MYBPC2: variants seen among roughly 807,000 people sequenced by gnomAD.
MYBPC2 encodes the protein myosin-binding protein C, fast-type.
Under a neutral mutation model 137.0 loss-of-function variants are expected in MYBPC2, and 122 were observed. The ratio of observed to expected loss-of-function variants is 0.89; its 90% CI spans 0.77 to 1.03. The LOEUF is 1.03. Among genes scored for constraint, MYBPC2 ranks in the 50% least tolerant of loss-of-function variants. The pLI is 0.00. For synonymous variants in MYBPC2, 626 were observed against 612.3 expected (o/e 1.02, Z -0.33); for missense variants, 1,500 against 1,534.4 (o/e 0.98, Z 0.37).
rs1189548092 is a variant in MYBPC2 at position 50,460,199 on chromosome 19, G to A, written c.2931+20G>A. On this transcript the variant is annotated intron_variant, in intron 24 of 27. Transcript: ENST00000357701. The stretch of plus-strand genomic sequence containing the variant: ...ACCATGGTGAGAGAGCAGAGGGGGA[G>A]ATGGGGAAGAGCCGGTGAGGTGGGC... 1.3e-6 allele frequency: 2 copies of A among 1,592,036 alleles called. No homozygotes were observed. The highest frequency in any genetic ancestry group is 3.5e-5 in the Admixed American group (2 of 57,502).
Position 50,450,832 on chromosome 19 carries a change from C to T in MYBPC2, c.1476C>T (p.Phe492=), listed in dbSNP as rs1276165504. The change falls in exon 14 of 28, where the codon TTC becomes TTT. Residue 492 remains phenylalanine, a synonymous_variant. Transcript: ENST00000357701. Reference sequence around the variant, plus strand: ...ACCCTGCTCCCCCACCCCTTAGGTTCCACAAGCTGGTGATCGATGACGTCC... The same window carrying T: ...ACCCTGCTCCCCCACCCCTTAGGTTTCACAAGCTGGTGATCGATGACGTCC... ...KRITISHVGR[F]HKLVIDDVRP... 1 of 1,565,018 alleles carries T rather than the reference C, an allele frequency of 6.4e-7. No individual in the cohort carries two copies. Among genetic ancestry groups the T allele is most frequent in the African/African-American group, 1.4e-5 (1 of 73,710 alleles).
chr19:50,441,787 C>T lies in MYBPC2; in HGVS notation c.770-394C>T, dbSNP rs545791883. Reference sequence around the variant, plus strand: ...CCAGGGAGGCAGAGGTTGTGGTGAGCTGAGATTACGCTGTGGCACTCCAGC... The same window carrying T: ...CCAGGGAGGCAGAGGTTGTGGTGAGTTGAGATTACGCTGTGGCACTCCAGC... On this transcript the variant is annotated intron_variant, in intron 8 of 27. Coordinates refer to ENST00000357701, the MANE Select transcript of MYBPC2 (RefSeq NM_004533.4). Among the ~76,000 whole-genome samples the T allele has an allele frequency of 2.0e-5, 3 of 151,810 alleles. No homozygotes were observed. The South Asian group carries it at 6.3e-4, about 32-fold the overall frequency.
intron 8 of MYBPC2, among the ~76,000 whole-genome samples, chr19:50,441,497 C>A (rs1438761007): frequency 6.6e-6 from 1 of 152,172 alleles, no homozygotes; most frequent in Admixed American, 6.5e-5. Flanking sequence ...TCTGGGGTAG[C>A]CCTGTTCCGC....
intron 8 of MYBPC2, among the ~76,000 whole-genome samples, 165 bp downstream of exon 8, chr19:50,441,241 T>C (rs2039752430): frequency 6.6e-6 from 1 of 152,104 alleles, no homozygotes; most frequent in Non-Finnish European, 1.5e-5. Flanking sequence ...AATTGAGGAC[T>C]AGCTAAAACA....
At position 50,437,734 on chromosome 19, in the gene MYBPC2, G is replaced by A; in HGVS notation, c.572+16G>A. ...TGAAGAAGAGGTGAGCCCCGGACTT[G>A]GCACAGAGAGGGGAGATGGGACTCA... is the stretch of plus-strand genomic sequence containing the variant. On this transcript the variant is annotated intron_variant, in intron 7 of 27. Transcript: ENST00000357701. 1 of 1,595,976 alleles carries A rather than the reference G, an allele frequency of 6.3e-7. No individual in the cohort carries two copies. The highest frequency in any genetic ancestry group is 1.3e-5 in the African/African-American group (1 of 74,672).
chr19:50,439,288 C>T (rs2039730629), intron 7 of MYBPC2, among the ~76,000 whole-genome samples: 1 of 150,956 alleles, frequency 6.6e-6, no homozygotes, highest in South Asian at 2.1e-4. Flanking sequence ...CACCCACCCA[C>T]CTGTCTTCCC....
In MYBPC2 at chr19:50,453,529, G is replaced by C. The variant is rs1011129841; in HGVS notation, c.1750-491G>C. Among the ~76,000 whole-genome samples the C allele has an allele frequency of 3.3e-5, 5 of 151,988 alleles. No homozygotes were observed. The South Asian group carries it at 1.0e-3, about 32-fold the overall frequency. On this transcript the variant is annotated intron_variant, in intron 16 of 27. Transcript: ENST00000357701. ...TTTTTTTTGTTGTTGTTGTTGTTTGGTTGGTTTCTTTTTTTCTCTTTTTTT... is the reference window on the plus strand; with the variant it reads ...TTTTTTTTGTTGTTGTTGTTGTTTGCTTGGTTTCTTTTTTTCTCTTTTTTT...
At chr19:50,464,238 A>C in intron 26 of MYBPC2, 108 bp from the exon 27 acceptor site, 1 of 985,824 alleles carries the variant, frequency 1.0e-6, no homozygotes, top group Non-Finnish European at 1.5e-6. Context: ...AACATCTGGC[A>C]AGAGGGTGGC....
At position 50,461,889 on chromosome 19, in the gene MYBPC2, T is replaced by A; in HGVS notation, c.3092-11T>A. ...GATCAGTCGCCTTACGGGTGCATCC[T>A]CTCTCCCCAGGAATCACCTTCAAAC... On this transcript the variant is annotated splice_polypyrimidine_tract_variant and intron_variant, in intron 25 of 27. Coordinates refer to ENST00000357701, the MANE Select transcript of MYBPC2 (RefSeq NM_004533.4). The A allele has an allele frequency of 2.5e-6, 4 of 1,593,372 alleles. No homozygotes were observed. The highest frequency in any genetic ancestry group is 1.3e-5 in the African/African-American group (1 of 74,618).
intron 12 of MYBPC2, among the ~76,000 whole-genome samples, chr19:50,447,252 A>G (rs1410292329): frequency 6.6e-6 from 1 of 151,948 alleles, no homozygotes; most frequent in East Asian, 1.9e-4. Flanking sequence ...TGGATACTGG[A>G]CTCCATTATG....
intron 24 of MYBPC2, 115 bp from the exon 25 acceptor site, chr19:50,461,427 C>T (rs2039970241): frequency 3.5e-6 from 4 of 1,153,730 alleles, no homozygotes; most frequent in Non-Finnish European, 4.9e-6. Context: ...CCATGAGTGA[C>T]ATTTTTTTAA....
At position 50,460,152 on chromosome 19, in the gene MYBPC2, C is replaced by G. The variant is rs373203655; in HGVS notation, c.2904C>G (p.Phe968Leu). Residue 968 changes from phenylalanine to leucine, a missense_variant, in exon 24 of 28, where the codon TTC (phenylalanine) becomes TTG (leucine). Phe to Leu is a conservative substitution (Grantham distance 22, BLOSUM62 0). Coordinates refer to ENST00000357701, the MANE Select transcript of MYBPC2 (RefSeq NM_004533.4). ...GGAACAGTGAGATCATGGGGTATTTCGTCCAGAAAGCAGACAAAAAAACCA... is the reference window on the plus strand; with the variant it reads ...GGAACAGTGAGATCATGGGGTATTTGGTCCAGAAAGCAGACAAAAAAACCA... ...DDGNSEIMGY[F>L]VQKADKKTME... is the part of the protein sequence containing the mutation. 1 of 1,597,840 alleles carries G rather than the reference C, an allele frequency of 6.3e-7. No homozygotes were observed. The highest frequency in any genetic ancestry group is 1.1e-5 in the South Asian group (1 of 88,150).
Position 50,435,074 on chromosome 19 carries a change from G to C in MYBPC2, c.20-87G>C. 1.4e-6 allele frequency: 1 copy of C among 699,262 alleles called. No homozygotes were observed. The highest frequency in any genetic ancestry group is 2.6e-6 in the Non-Finnish European group (1 of 380,432). The allele number at this position is 699,262 out of a possible 1,614,324, so 43.3% of individuals were successfully genotyped here. Reference sequence around the variant, plus strand: ...GGACTCCTGGGTCTGAGGGAGGAGGGGCTGGGGGGTCTGGACTCCTGCGTC... The same window carrying C: ...GGACTCCTGGGTCTGAGGGAGGAGGCGCTGGGGGGTCTGGACTCCTGCGTC... On this transcript the variant is annotated intron_variant, in intron 1 of 27. Transcript: ENST00000357701. The surrounding 1 kb of genome is among the most constrained non-coding windows in gnomAD (Gnocchi z 4.8).
chr19:50,463,863 C>T (rs1006904842), intron 26 of MYBPC2, among the ~76,000 whole-genome samples: 8 of 151,494 alleles, frequency 5.3e-5, no homozygotes, highest in African/African-American at 1.7e-4. Flanking sequence ...TGCTTAAACC[C>T]GGGAGGTGGA....
In MYBPC2 at chr19:50,435,921, G is replaced by C; in HGVS notation, c.196+59G>C. ...CCGGACTCCTGGGTCTGAGGGAGGA[G>C]GGGCCAGGGTCTCGTTCTGTCTCCC... is the stretch of plus-strand genomic sequence containing the variant. On this transcript the variant is annotated intron_variant, in intron 3 of 27. Transcript: ENST00000357701. The surrounding 1 kb of genome is among the most constrained non-coding windows in gnomAD (Gnocchi z 4.8). 1.9e-6 allele frequency: 3 copies of C among 1,548,784 alleles called. No homozygotes were observed. The highest frequency in any genetic ancestry group is 2.6e-6 in the Non-Finnish European group (3 of 1,143,308).
intron 7 of MYBPC2, among the ~76,000 whole-genome samples, chr19:50,439,521 C>T (rs1056144325): frequency 6.6e-6 from 1 of 151,238 alleles, no homozygotes; most frequent in South Asian, 2.1e-4. Context: ...TGAGGCCTCC[C>T]GTCTACTAGG....
chr19:50,452,795 C>T lies in MYBPC2; in HGVS notation c.1749+792C>T, dbSNP rs1041164747. On this transcript the variant is annotated intron_variant, in intron 16 of 27. Transcript: ENST00000357701. ...CTGGGCTCAAACTCCTGAACTCAAA[C>T]GATCCTTCCACCTTGGCCTCCCAAA... Among the ~76,000 whole-genome samples the T allele has an allele frequency of 3.3e-5, 5 of 152,064 alleles. No homozygotes were observed. In the East Asian group the frequency reaches 5.8e-4, roughly 18 times the overall value.
intron 9 of MYBPC2, among the ~76,000 whole-genome samples, chr19:50,442,978 C>T (rs1601284698): frequency 1.3e-5 from 2 of 151,754 alleles, no homozygotes; most frequent in East Asian, 3.9e-4. Flanking sequence ...GGGGTTTTAC[C>T]ATGTTGCCCA....
chr19:50,436,606 C>A lies in MYBPC2; in HGVS notation c.346-11C>A, dbSNP rs1211679904. 3 of 1,611,876 alleles carry A rather than the reference C, an allele frequency of 1.9e-6. No individual in the cohort carries two copies. Among genetic ancestry groups the A allele is most frequent in the Non-Finnish European group, 2.5e-6 (3 of 1,178,294 alleles). On this transcript the variant is annotated splice_polypyrimidine_tract_variant and intron_variant, in intron 4 of 27. Transcript: ENST00000357701. The stretch of plus-strand genomic sequence containing the variant: ...GGTCCCGTGCACCCACACCCCCGGC[C>A]CTGGACCCAGGTGTACACCGTGGAG...
Sources: allele counts gnomAD v4.1 joint callset (sites outside exome capture counted in the v4.1 genomes callset), GRCh38; gene constraint gnomAD v4.1.1; non-coding constraint Gnocchi (gnomAD v3.1); transcripts MANE v1.5; gene names NCBI Gene and HGNC (gene_info 2026-07-23, HGNC 2026-07-21).